Variants in FHOD3 observed in about 807,000 individuals in gnomAD.
The protein encoded by FHOD3 is FH1/FH2 domain-containing protein 3.
FHOD3 carries 90 observed loss-of-function variants against 173.0 expected under a neutral mutation model. The ratio of observed to expected loss-of-function variants is 0.52; its 90% confidence interval spans 0.44 to 0.62. The LOEUF (loss-of-function observed/expected upper bound fraction) is 0.62, where lower values mean the gene tolerates loss of function less well. Among genes scored for constraint, FHOD3 ranks in the 20% least tolerant of loss-of-function variants. The probability of loss-of-function intolerance (pLI) is 0.00; values close to 1 mark genes in which losing one functional copy is unlikely to be tolerated. For missense variants in FHOD3, 1,945 were observed against 2,034.7 expected, an observed-to-expected ratio of 0.96 and a Z score of 0.85; for synonymous variants, 828 against 823.0, an observed-to-expected ratio of 1.01 and a Z score of -0.10.
rs554561808 is a variant in FHOD3, at chr18:36,415,176, CT to C, written c.337+42433del. Among the ~76,000 whole-genome samples the C allele has an allele frequency of 1.6e-3, 250 of 152,316 alleles. 1 individual carries two copies. The highest frequency in any genetic ancestry group is 2.8e-3 in the Non-Finnish European group (188 of 68,026). ...GTGCAGGCTGAGGTGGGGCAAGACC[CT>C]GATGACTAGGGCCATAAGAGAATAA... On this transcript the variant is annotated intron_variant, in intron 3 of 28. Coordinates refer to ENST00000590592, the MANE Select transcript of FHOD3 (RefSeq NM_001281740.3).
intron 1 of FHOD3, among the ~76,000 whole-genome samples, chr18:36,319,947 A>G (rs1417799848): frequency 6.6e-6 from 1 of 152,240 alleles, no homozygotes; most frequent in African/African-American, 2.4e-5. Context: ...ATGAGGACAA[A>G]GACATAACAT....
intron 4 of FHOD3, among the ~76,000 whole-genome samples, chr18:36,504,750 AAGT>A (rs1568358535): frequency 6.8e-6 from 1 of 148,070 alleles, no homozygotes; most frequent in Non-Finnish European, 1.5e-5. Context: ...ATAATAATAA[AAGT>A]AAATAAATAA....
Position 36,598,734 on chromosome 18 carries a change from A to G in FHOD3, c.718+3836A>G, listed in dbSNP as rs576028748. 2.6e-5 allele frequency among the ~76,000 whole-genome samples: 4 copies of G among 152,242 alleles called. No homozygotes were observed. The East Asian group carries it at 7.7e-4, about 29-fold the overall frequency. ...CTGGCTAATTTTTTGTATTTTTAGT[A>G]GAGACTGGGTTTCACTGTGTTAGCC... On this transcript the variant is annotated intron_variant, in intron 7 of 28. Coordinates refer to ENST00000590592, the MANE Select transcript of FHOD3 (RefSeq NM_001281740.3).
At chr18:36,519,467 A>G (rs936816569) in intron 5 of FHOD3, among the ~76,000 whole-genome samples, 1 of 152,074 alleles carries the variant, frequency 6.6e-6, no homozygotes, top group Admixed American at 6.5e-5. Context: ...CTCATTGGTC[A>G]TTTGGGTAGA....
chr18:36,682,192 A>G (rs982812774), intron 15 of FHOD3, among the ~76,000 whole-genome samples: 9 of 152,028 alleles, frequency 5.9e-5, no homozygotes, highest in Non-Finnish European at 1.0e-4. Flanking sequence ...TCCTTCAGCC[A>G]GTCCACCTGT....
At chr18:36,638,167 G>A (rs886065537) in intron 10 of FHOD3, among the ~76,000 whole-genome samples, 3 of 152,174 alleles carry the variant, frequency 2.0e-5, no homozygotes, top group Admixed American at 6.5e-5. Flanking sequence ...TTAGAAAAGA[G>A]AAAAGTGTGA....
At chr18:36,504,388 T>C (rs957991315) in intron 4 of FHOD3, among the ~76,000 whole-genome samples, 5 of 152,150 alleles carry the variant, frequency 3.3e-5, no homozygotes, top group African/African-American at 1.2e-4. Context: ...GTGCTTCATA[T>C]ACACCATGGA....
At position 36,395,422 on chromosome 18, in the gene FHOD3, A is replaced by G. The variant is rs972660910; in HGVS notation, c.337+22678A>G. On this transcript the variant is annotated intron_variant, in intron 3 of 28. Coordinates refer to ENST00000590592, the MANE Select transcript of FHOD3 (RefSeq NM_001281740.3). Reference sequence around the variant, plus strand: ...TTCTCTTAGTTCTGCAGGTTTCTTCATGTTTAAAGTTCACCATCAATCTTT... The same window carrying G: ...TTCTCTTAGTTCTGCAGGTTTCTTCGTGTTTAAAGTTCACCATCAATCTTT... Among the ~76,000 whole-genome samples the G allele has an allele frequency of 3.9e-5, 6 of 151,978 alleles. No homozygotes were observed. The South Asian group carries it at 6.2e-4, about 16-fold the overall frequency.
rs1292203873 is a variant in FHOD3 at position 36,616,686 on chromosome 18, C to T, written c.957+4591C>T. On this transcript the variant is annotated intron_variant, in intron 9 of 28. Transcript: ENST00000590592. Reference sequence around the variant, plus strand: ...TACAACTCAGAAGTGTCCTGACAGCCGCTTCATTGTCATCCTACTACTCCT... The same window carrying T: ...TACAACTCAGAAGTGTCCTGACAGCTGCTTCATTGTCATCCTACTACTCCT... Among the ~76,000 whole-genome samples, 12 of 152,286 alleles carry T rather than the reference C, an allele frequency of 7.9e-5. No individual in the cohort carries two copies. The East Asian group carries it at 1.4e-3, about 17-fold the overall frequency.
chr18:36,609,648 C>T (rs1441556009), intron 8 of FHOD3, among the ~76,000 whole-genome samples: 21 of 138,890 alleles, frequency 1.5e-4, no homozygotes, highest in African/African-American at 5.2e-4. Context: ...CTTGCTCTGT[C>T]GCCCAGGCTG....
At chr18:36,300,047 C>A (rs1414999291) in intron 1 of FHOD3, among the ~76,000 whole-genome samples, 1 of 152,186 alleles carries the variant, frequency 6.6e-6, no homozygotes, top group Non-Finnish European at 1.5e-5. Context: ...GCTGGAGTTT[C>A]AAGCACTTGG....
intron 2 of FHOD3, among the ~76,000 whole-genome samples, chr18:36,367,419 G>GAATCC (rs2145979472): frequency 6.6e-6 from 1 of 152,282 alleles, no homozygotes; most frequent in African/African-American, 2.4e-5. Context: ...GATAGGAAAG[G>GAATCC]AATCCGAGTC....
intron 10 of FHOD3, among the ~76,000 whole-genome samples, chr18:36,632,588 T>C (rs1233912442): frequency 6.6e-6 from 1 of 152,224 alleles, no homozygotes; most frequent in Non-Finnish European, 1.5e-5. Context: ...ATATTTGTTA[T>C]GGTGTCCAAT....
chr18:36,727,605 A>G (rs975026276), intron 19 of FHOD3, among the ~76,000 whole-genome samples: 2 of 152,162 alleles, frequency 1.3e-5, no homozygotes, highest in African/African-American at 2.4e-5. Context: ...CAGCTCTCCC[A>G]TGATCTTGGG....
intron 16 of FHOD3, among the ~76,000 whole-genome samples, chr18:36,690,693 T>C (rs903046542): frequency 4.6e-5 from 7 of 151,952 alleles, no homozygotes; most frequent in African/African-American, 1.5e-4. Context: ...TCAGAAAGGT[T>C]TAGTGCTCTT....
intron 19 of FHOD3, among the ~76,000 whole-genome samples, chr18:36,729,458 A>G (rs1163820233): frequency 6.6e-6 from 1 of 152,320 alleles, no homozygotes; most frequent in East Asian, 1.9e-4. Flanking sequence ...AGGCTGCCAT[A>G]ATAAAATACC....
intron 10 of FHOD3, among the ~76,000 whole-genome samples, chr18:36,642,200 T>A (rs181917145): frequency 1.3e-4 from 20 of 152,314 alleles, no homozygotes; most frequent in African/African-American, 4.8e-4. Flanking sequence ...TTAGGCTTAG[T>A]ACCTGGGTGA....
chr18:36,541,905 A>T (rs1056806572), intron 5 of FHOD3, among the ~76,000 whole-genome samples: 6 of 152,178 alleles, frequency 3.9e-5, no homozygotes, highest in African/African-American at 1.4e-4. Flanking sequence ...AGATCTTCAG[A>T]TAACAATGCT....
intron 10 of FHOD3, among the ~76,000 whole-genome samples, chr18:36,639,689 G>A (rs1276109612): frequency 4.6e-5 from 7 of 151,640 alleles, no homozygotes; most frequent in South Asian, 4.2e-4. Context: ...TGGGCGTGGT[G>A]GTGGGCGCCT....
Sources: allele counts gnomAD v4.1 joint callset (sites outside exome capture counted in the v4.1 genomes callset), GRCh38; gene constraint gnomAD v4.1.1; transcripts MANE v1.5; gene names NCBI Gene and HGNC (gene_info 2026-07-23, HGNC 2026-07-21).